The following DNAH8 variants were observed in gnomAD, a reference collection of about 807,000 sequenced individuals.
DNAH8 encodes the protein axonemal beta dynein heavy chain 8.
In DNAH8, 382 loss-of-function variants were observed where a neutral mutation model predicts 562.1. The observed-to-expected ratio is 0.68, with a 90% confidence interval of 0.63 to 0.74. The LOEUF is 0.74. Ranked by LOEUF, DNAH8 falls within the 30% of genes least tolerant of loss-of-function variation. The pLI is 0.00. For missense variants in DNAH8, 5,203 were observed against 5,620.4 expected, an observed-to-expected ratio of 0.93 and a Z score of 2.37; for synonymous variants, 1,881 against 1,919.4, an observed-to-expected ratio of 0.98 and a Z score of 0.52.
intron 88 of DNAH8, among the ~76,000 whole-genome samples, chr6:38,993,543 T>C (rs752993162): frequency 2.0e-5 from 3 of 152,226 alleles, no homozygotes; most frequent in Non-Finnish European, 2.9e-5. Flanking sequence ...TCAGACCCTT[T>C]CAACCCATTT....
At chr6:38,970,291 A>G (rs1293535657) in intron 82 of DNAH8, among the ~76,000 whole-genome samples, 1 of 152,192 alleles carries the variant, frequency 6.6e-6, no homozygotes, top group African/African-American at 2.4e-5. Flanking sequence ...TCCACGATCC[A>G]GAGGCTCCTC....
At chr6:38,845,019 G>T (rs1343055814) in intron 35 of DNAH8, among the ~76,000 whole-genome samples, 2 of 151,984 alleles carry the variant, frequency 1.3e-5, no homozygotes, top group Non-Finnish European at 1.5e-5. Flanking sequence ...TTGAGGCATT[G>T]TGGGGAAAAT....
chr6:39,010,460 G>T (rs1766114875), intron 89 of DNAH8, among the ~76,000 whole-genome samples: 1 of 152,020 alleles, frequency 6.6e-6, no homozygotes, highest in South Asian at 2.1e-4. Context: ...TTTTAGGCTG[G>T]AACAATAATT....
Position 38,815,509 on chromosome 6 carries a change from C to T in DNAH8, c.3375C>T (p.Asn1125=), listed in dbSNP as rs1281084129. 6.2e-7 allele frequency: 1 copy of T among 1,613,980 alleles called. No individual in the cohort carries two copies. Among genetic ancestry groups the T allele is most frequent in the African/African-American group, 1.3e-5 (1 of 75,024 alleles). ...TGGATGACATTCAACAAGCCATTAA[C>T]CGTATGATCCAGTTAACCCTGGAGG... The part of the protein sequence containing the change: ...PSLDDIQQAI[N]RMIQLTLEVS... The change falls in exon 26 of 93, where the codon AAC becomes AAT. Residue 1125 remains asparagine (N), a synonymous_variant. Transcript: ENST00000327475.
At chr6:38,934,087 T>C (rs1334894641) in intron 76 of DNAH8, among the ~76,000 whole-genome samples, 1 of 152,032 alleles carries the variant, frequency 6.6e-6, no homozygotes, top group African/African-American at 2.4e-5. Context: ...GCGTGGTGGC[T>C]CACCCCTGTA....
chr6:38,748,083 A>T (rs1345841121), intron 8 of DNAH8, among the ~76,000 whole-genome samples: 1 of 152,216 alleles, frequency 6.6e-6, no homozygotes, highest in African/African-American at 2.4e-5. Flanking sequence ...ATTGCAAGCA[A>T]TGATTCAAAG....
At chr6:38,900,743 A>G (rs556243943) in intron 62 of DNAH8, among the ~76,000 whole-genome samples, 1 of 152,192 alleles carries the variant, frequency 6.6e-6, no homozygotes, top group South Asian at 2.1e-4. Flanking sequence ...TCAGCTCACG[A>G]GTAGCTGGGA....
intron 4 of DNAH8, among the ~76,000 whole-genome samples, chr6:38,732,994 T>C (rs1283188415): frequency 1.3e-5 from 2 of 152,170 alleles, no homozygotes; most frequent in Non-Finnish European, 2.9e-5. Context: ...GCTCAAGTGA[T>C]TCTCCTGCCT....
At chr6:38,949,372 C>T (rs1267842253) in intron 80 of DNAH8, 80 bp from the exon 81 acceptor site, 4 of 876,978 alleles carry the variant, frequency 4.6e-6, no homozygotes, top group East Asian at 2.4e-5. Flanking sequence ...GAATGACCCT[C>T]TCAGGTGATT....
At chr6:38,855,789 G>A (rs1260402998) in intron 41 of DNAH8, among the ~76,000 whole-genome samples, 1 of 152,148 alleles carries the variant, frequency 6.6e-6, no homozygotes, top group East Asian at 1.9e-4. Flanking sequence ...ATTAGAAACT[G>A]GGTCGCACAG....
chr6:38,917,861 A>G, intron 69 of DNAH8, 64 bp from the exon 70 acceptor site: 3 of 1,235,624 alleles, frequency 2.4e-6, no homozygotes, highest in Admixed American at 2.2e-5. Flanking sequence ...ATTTAGAAGT[A>G]CATATTAACT....
intron 72 of DNAH8, 75 bp from the exon 73 acceptor site, chr6:38,923,916 C>CAA: frequency 2.7e-6 from 4 of 1,507,686 alleles, no homozygotes. Context: ...AGTAACAGAG[C>CAA]AAAACTGTGA....
chr6:38,970,997 G>A (rs1763300098), intron 82 of DNAH8, among the ~76,000 whole-genome samples: 1 of 152,124 alleles, frequency 6.6e-6, no homozygotes, highest in Admixed American at 6.6e-5. Flanking sequence ...GATTTAATCT[G>A]AGGAGCAGCT....
At chr6:38,865,767 G>A (rs560250093) in intron 45 of DNAH8, among the ~76,000 whole-genome samples, 23 of 152,326 alleles carry the variant, frequency 1.5e-4, no homozygotes, top group African/African-American at 5.3e-4. Context: ...TTGCAGGTGG[G>A]CTCCTGTGGC....
At chr6:38,756,223 G>A (rs1765896137) in intron 10 of DNAH8, 144 bp downstream of exon 10, 1 of 654,230 alleles carries the variant, frequency 1.5e-6, no homozygotes, top group South Asian at 1.7e-5. Flanking sequence ...GAAAGGCGTT[G>A]ACTGGACTCA....
intron 11 of DNAH8, chr6:38,762,985 A>T: frequency 2.6e-6 from 1 of 378,158 alleles, no homozygotes; most frequent in Non-Finnish European, 5.2e-6. Context: ...ATCATTATGC[A>T]GTTCTTGGAC....
In DNAH8 at chr6:38,873,068, A is replaced by G. The variant is rs1192386572; in HGVS notation, c.7400A>G (p.Asn2467Ser). The G allele has an allele frequency of 3.1e-6, 5 of 1,613,996 alleles. No individual in the cohort carries two copies. The highest frequency in any genetic ancestry group is 4.2e-6 in the Non-Finnish European group (5 of 1,179,972). Residue 2467 changes from asparagine to serine, a missense_variant, in exon 51 of 93, where the codon AAC (asparagine) becomes AGC (serine). This residue lies in a region of DNAH8 where 977 missense variants were observed against 1,061.8 expected (regional missense o/e 0.92). Transcript: ENST00000327475. ...CTGTTTGAAGTCCACAATATCGAGAACGCCTCTCCTGCCACGGTTTCTAGG... is the reference window on the plus strand; with the variant it reads ...CTGTTTGAAGTCCACAATATCGAGAGCGCCTCTCCTGCCACGGTTTCTAGG... ...KLLFEVHNIENASPATVSRMG... is the reference protein window; with the variant it reads ...KLLFEVHNIESASPATVSRMG...
In DNAH8 at chr6:38,803,258, T is replaced by C; in HGVS notation, c.2981T>C (p.Ile994Thr). The C allele has an allele frequency of 6.2e-7, 1 of 1,609,530 alleles. No homozygotes were observed. The highest frequency in any genetic ancestry group is 1.3e-5 in the African/African-American group (1 of 74,922). Reference protein sequence around the residue: ...VEEAVRELISIFEQIYEVKYT... With the variant: ...VEEAVRELISTFEQIYEVKYT... ...GAAGCTGTCAGAGAACTTATATCAA[T>C]ATTTGAGCAGATTTATGAAGTGAAA... Residue 994 changes from isoleucine to threonine, a missense_variant, in exon 22 of 93, where the codon ATA (isoleucine) becomes ACA (threonine). Physicochemically the swap from Ile to Thr is moderately conservative, Grantham distance 89. Around this residue, in one of 6 missense-constraint regions of DNAH8, gnomAD observed 2,176 missense variants for 2,365.1 expected, o/e 0.92. Transcript: ENST00000327475.
intron 35 of DNAH8, among the ~76,000 whole-genome samples, chr6:38,844,085 C>A (rs1470937970): frequency 6.6e-6 from 1 of 152,132 alleles, no homozygotes; most frequent in Non-Finnish European, 1.5e-5. Context: ...GCCTAGATGG[C>A]AGCTAGAGGC....
Sources: gnomAD v4.1 joint callset for allele counts (sites outside exome capture counted in the v4.1 genomes callset) on GRCh38, gnomAD v4.1.1 for gene constraint, gnomAD v4.1.1 regional missense constraint, MANE v1.5 for transcripts, NCBI Gene and HGNC (gene_info 2026-07-23, HGNC 2026-07-21) for gene names.